RRP15: variants seen among roughly 807,000 people sequenced by gnomAD.
RRP15 encodes ribosomal RNA processing 15 homolog, also known as RRP15-like protein.
Under a neutral mutation model 27.1 loss-of-function variants are expected in RRP15, and 18 were observed. That is an observed-to-expected ratio of 0.66 (90% CI 0.46 to 0.98). The LOEUF (loss-of-function observed/expected upper bound fraction) is 0.98. RRP15 is among the 50% of genes least tolerant of loss of function. RRP15 has a pLI of 0.00. For missense variants in RRP15, 359 were observed against 337.8 expected (o/e 1.06, Z -0.49); for synonymous variants, 107 against 109.4 (o/e 0.98, Z 0.14).
At chr1:218,295,614 C>A (rs1263472694) in intron 1 of RRP15, among the ~76,000 whole-genome samples, 2 of 152,158 alleles carry the variant, frequency 1.3e-5, no homozygotes, top group African/African-American at 4.8e-5. Flanking sequence ...GATATAATAA[C>A]CTAGTGGATA....
In RRP15 at chr1:218,305,070, C is replaced by A. The variant is rs1655876814; in HGVS notation, c.448C>A (p.Pro150Thr). ...LEWEMMCRVK[P>T]DVVQDKETER... is the part of the protein sequence containing the mutation. ...GTGGGAAATGATGTGCAGAGTAAAG[C>A]CAGATGTTGTCCAAGACAAAGAGAC... Residue 150 changes from proline (P) to threonine (T), a missense_variant, in exon 3 of 5, where the codon CCA becomes ACA. Transcript: ENST00000366932. The A allele has an allele frequency of 3.1e-6, 5 of 1,613,756 alleles. No homozygotes were observed. Among genetic ancestry groups the A allele is most frequent in the Non-Finnish European group, 2.5e-6 (3 of 1,179,800 alleles).
intron 4 of RRP15, among the ~76,000 whole-genome samples, chr1:218,319,675 G>A (rs1453476878): frequency 2.6e-5 from 4 of 152,112 alleles, no homozygotes; most frequent in Non-Finnish European, 5.9e-5. Context: ...GATTTATAGT[G>A]TGCATATTCC....
Position 218,307,608 on chromosome 1 carries a change from C to T in RRP15, c.681C>T (p.Ser227=), listed in dbSNP as rs1655920506. Residue 227 remains serine, a synonymous_variant, in exon 4 of 5, where the codon AGC becomes AGT. Transcript: ENST00000366932. ...MDGSTNETAS[S]RKKPKAKQTE... is the part of the protein sequence containing the mutation. The stretch of plus-strand genomic sequence containing the variant: ...GAAGTACAAATGAGACTGCTTCAAG[C>T]AGGAAGAAACCAAAAGCCAAACAGG... 6.2e-7 allele frequency: 1 copy of T among 1,613,648 alleles called. No individual in the cohort carries two copies. Among genetic ancestry groups the T allele is most frequent in the Admixed American group, 1.7e-5 (1 of 59,984 alleles).
rs151303425 is a variant in RRP15, at chr1:218,301,014, T to C, written c.140-1280T>C. 2.0e-5 allele frequency among the ~76,000 whole-genome samples: 3 copies of C among 152,312 alleles called. No homozygotes were observed. In the East Asian group the frequency reaches 5.8e-4, roughly 29 times the overall value. ...AGTATTTTATCTTAATGCAAGTATA[T>C]CAATATTTAAAAAAATACTTAAACT... On this transcript the variant is annotated intron_variant, in intron 1 of 4. Transcript: ENST00000366932.
intron 4 of RRP15, among the ~76,000 whole-genome samples, chr1:218,328,426 G>C (rs1656308344): frequency 6.6e-6 from 1 of 152,154 alleles, no homozygotes; most frequent in Admixed American, 6.5e-5. Context: ...ACTTTGGGAG[G>C]CCAAGGCGGG....
chr1:218,311,896 T>C (rs757985000), intron 4 of RRP15, among the ~76,000 whole-genome samples: 72 of 152,354 alleles, frequency 4.7e-4, no homozygotes, highest in Non-Finnish European at 9.7e-4. Flanking sequence ...TCTCGAATTA[T>C]TCGGGTAGGC....
In RRP15 at chr1:218,332,369, A is replaced by T. The variant is rs138653980; in HGVS notation, c.*1278A>T. ...AAAAGAGGAAAGACTGTTTAATATCATTCCAAAATTTTTGTGAAATGTGGC... is the reference window on the plus strand; with the variant it reads ...AAAAGAGGAAAGACTGTTTAATATCTTTCCAAAATTTTTGTGAAATGTGGC... On this transcript the variant is annotated 3_prime_UTR_variant, in exon 5 of 5. Transcript: ENST00000366932. 14 of 152,316 alleles carry T rather than the reference A, an allele frequency of 9.2e-5. No homozygotes were observed. Among genetic ancestry groups the T allele is most frequent in the Admixed American group, 3.9e-4 (6 of 15,288 alleles). 9.4% of individuals were successfully genotyped at this position (152,316 alleles called of 1,614,324 possible). A position where few individuals can be genotyped will look rare whatever the true frequency, so the allele number is the denominator to read the frequency against.
intron 4 of RRP15, among the ~76,000 whole-genome samples, chr1:218,328,676 AT>A (rs944496756): frequency 9.3e-5 from 14 of 151,102 alleles, no homozygotes; most frequent in Admixed American, 2.6e-4. Flanking sequence ...AAAAAAAAAA[AT>A]TTTTTTTTCC....
intron 4 of RRP15, among the ~76,000 whole-genome samples, chr1:218,318,387 T>TC (rs1351106467): frequency 6.6e-6 from 1 of 152,184 alleles, no homozygotes. Context: ...CAATCCCTTG[T>TC]CTTTTTTTTT....
intron 1 of RRP15, among the ~76,000 whole-genome samples, chr1:218,288,100 T>G (rs1655578526): frequency 6.6e-6 from 1 of 152,170 alleles, no homozygotes; most frequent in South Asian, 2.1e-4. Flanking sequence ...CCTTGTGTAT[T>G]TGTAGGCAGC....
rs554954306 is a variant in RRP15 at position 218,315,006 on chromosome 1, A to G, written c.705+7374A>G. On this transcript the variant is annotated intron_variant, in intron 4 of 4. Coordinates refer to ENST00000366932, the MANE Select transcript of RRP15 (RefSeq NM_016052.4). ...GCTCCATCTCAAAAAAAAAAAAAAA[A>G]AAAGAAAGAAAGTGATTTCCTTAGT... 3.5e-3 allele frequency among the ~76,000 whole-genome samples: 501 copies of G among 142,226 alleles called. 7 individuals are homozygous for G. Among genetic ancestry groups the G allele is most frequent in the Non-Finnish European group, 2.9e-3 (196 of 67,852 alleles). 93.3% of individuals were successfully genotyped at this position (142,226 alleles called of 152,430 possible). A position where few individuals can be genotyped will look rare whatever the true frequency, so the allele number is the denominator to read the frequency against.
At chr1:218,304,906 C>A (rs1482705609) in intron 2 of RRP15, 122 bp from the exon 3 acceptor site, 3 of 859,566 alleles carry the variant, frequency 3.5e-6, no homozygotes, top group Non-Finnish European at 5.4e-6. Flanking sequence ...TTTTTAAAAG[C>A]CCCTGACAAA....
chr1:218,329,136 C>G (rs926365686), intron 4 of RRP15, among the ~76,000 whole-genome samples: 1 of 144,144 alleles, frequency 6.9e-6, no homozygotes, highest in Non-Finnish European at 1.5e-5. Context: ...TGTGGTGGCT[C>G]TTGCCTATAA....
At chr1:218,318,507 T>C (rs1656124585) in intron 4 of RRP15, among the ~76,000 whole-genome samples, 1 of 152,192 alleles carries the variant, frequency 6.6e-6, no homozygotes, top group Non-Finnish European at 1.5e-5. Flanking sequence ...TTTATGAATT[T>C]GTCTGATTAC....
At chr1:218,330,665 A>G (rs1656351313) in intron 4 of RRP15, among the ~76,000 whole-genome samples, 1 of 152,078 alleles carries the variant, frequency 6.6e-6, no homozygotes, top group African/African-American at 2.4e-5. Context: ...ACCTAGATTT[A>G]TATTTTTTCC....
intron 4 of RRP15, among the ~76,000 whole-genome samples, chr1:218,314,990 CAAAAA>C (rs76826029): frequency 2.8e-4 from 17 of 61,792 alleles, no homozygotes; most frequent in Admixed American, 2.3e-3. Context: ...GGCTCCATCT[CAAAAA>C]AAAAAAAAAA....
At chr1:218,316,209 T>C (rs1321230519) in intron 4 of RRP15, among the ~76,000 whole-genome samples, 2 of 152,206 alleles carry the variant, frequency 1.3e-5, no homozygotes, top group Non-Finnish European at 2.9e-5. Flanking sequence ...GAACTAGTTA[T>C]TACAGAACTG....
chr1:218,313,232 A>T (rs1230246372), intron 4 of RRP15, among the ~76,000 whole-genome samples: 1 of 152,190 alleles, frequency 6.6e-6, no homozygotes, highest in South Asian at 2.1e-4. Context: ...TGGTCAGAAG[A>T]CCAATTAGTG....
rs540690524 is a variant in RRP15, at chr1:218,330,092, T to G, written c.706-856T>G. Among the ~76,000 whole-genome samples, 374 of 152,276 alleles carry G rather than the reference T, an allele frequency of 2.5e-3. 6 individuals carry two copies. Among genetic ancestry groups the G allele is most frequent in the Admixed American group, 0.023 (356 of 15,300 alleles). ...AGATATGCATAGACTGTTAGCCCCC[T>G]GAAAACAGGAACTTCGTTTTGTTCA... On this transcript the variant is annotated intron_variant, in intron 4 of 4. Coordinates refer to ENST00000366932, the MANE Select transcript of RRP15 (RefSeq NM_016052.4).
Sources: gnomAD v4.1 joint callset for allele counts (sites outside exome capture counted in the v4.1 genomes callset) on GRCh38, gnomAD v4.1.1 for gene constraint, MANE v1.5 for transcripts, NCBI Gene and HGNC (gene_info 2026-07-23, HGNC 2026-07-21) for gene names.